Variants in CAMSAP2 observed in about 807,000 individuals in gnomAD.
The protein encoded by CAMSAP2 is calmodulin regulated spectrin associated protein family member 2.
CAMSAP2 carries 26 observed loss-of-function variants against 146.1 expected under a neutral mutation model. The ratio of observed to expected loss-of-function variants is 0.18; its 90% CI spans 0.13 to 0.25. CAMSAP2 has a LOEUF of 0.25. CAMSAP2 is among the 10% of genes least tolerant of loss of function. The probability of loss-of-function intolerance (pLI) is 1.00; values close to 1 mark genes in which losing one functional copy is unlikely to be tolerated. For missense variants in CAMSAP2, 1,381 were observed against 1,759.3 expected (o/e 0.78, Z 3.85); for synonymous variants, 499 against 596.6 (o/e 0.84, Z 2.38).
At chr1:200,767,225 C>T (rs1373357339) in intron 2 of CAMSAP2, among the ~76,000 whole-genome samples, 1 of 151,994 alleles carries the variant, frequency 6.6e-6, no homozygotes, top group Admixed American at 6.6e-5. Context: ...ATATCAGCTA[C>T]TTGGCACATG....
intron 1 of CAMSAP2, among the ~76,000 whole-genome samples, chr1:200,753,822 C>T (rs1372275325): frequency 6.6e-6 from 1 of 152,190 alleles, no homozygotes; most frequent in Admixed American, 6.5e-5. Context: ...ACTACCACGA[C>T]CACCAGTTGT....
intron 3 of CAMSAP2, 84 bp downstream of exon 3, chr1:200,807,621 CT>C: frequency 1.0e-6 from 1 of 954,132 alleles, no homozygotes; most frequent in Non-Finnish European, 1.4e-6. Flanking sequence ...CTTCATTACT[CT>C]TTTTGTTTCA....
At position 200,739,945 on chromosome 1, in the gene CAMSAP2, G is replaced by A. The variant is rs147588155; in HGVS notation, c.118G>A (p.Val40Met). The change falls in exon 1 of 17, where the codon GTG becomes ATG. Residue 40 changes from valine to methionine, a missense_variant. By Grantham distance (21) the Val-to-Met change is conservative. This residue lies in a region of CAMSAP2 where 284 missense variants were observed against 406.9 expected (regional missense o/e 0.70). Coordinates refer to ENST00000358823, the MANE Select transcript of CAMSAP2 (RefSeq NM_203459.4). This position sits in a 1 kb window ranked among gnomAD's most constrained non-coding sequence, Gnocchi z 4.8. ...AKIACNLAWL[V>M]AKAFGTENVP... ...AATCGCCTGCAATCTGGCCTGGCTG[G>A]TGGCCAAAGCCTTTGGGACAGGTTA... 1.1e-5 allele frequency: 18 copies of A among 1,614,014 alleles called. No homozygotes were observed. Among genetic ancestry groups the A allele is most frequent in the Non-Finnish European group, 1.4e-5 (17 of 1,180,024 alleles).
chr1:200,768,509 G>T (rs896238022), intron 2 of CAMSAP2, among the ~76,000 whole-genome samples: 1 of 152,094 alleles, frequency 6.6e-6, no homozygotes, highest in African/African-American at 2.4e-5. Context: ...AGCCAGAGAG[G>T]GTATCATCAG....
At position 200,849,798 on chromosome 1, in the gene CAMSAP2, G is replaced by A; in HGVS notation, c.3029G>A (p.Ser1010Asn). Reference sequence around the variant, plus strand: ...CCTCGGTTAAGGAGGTTTTCACCAAGTCAAGTTCCTATTCAAACTAGGTCA... The same window carrying A: ...CCTCGGTTAAGGAGGTTTTCACCAAATCAAGTTCCTATTCAAACTAGGTCA... ...SLPRLRRFSP[S>N]QVPIQTRSFV... is the part of the protein sequence containing the mutation. The change falls in exon 11 of 17, where the codon AGT becomes AAT. Residue 1010 changes from serine to asparagine, a missense_variant. Ser to Asn is a conservative substitution (Grantham distance 46). Coordinates refer to ENST00000358823, the MANE Select transcript of CAMSAP2 (RefSeq NM_203459.4). This position sits in a 1 kb window ranked among gnomAD's most constrained non-coding sequence, Gnocchi z 6.3. 6.2e-7 allele frequency: 1 copy of A among 1,614,176 alleles called. No homozygotes were observed. Among genetic ancestry groups the A allele is most frequent in the Non-Finnish European group, 8.5e-7 (1 of 1,180,036 alleles).
intron 4 of CAMSAP2, chr1:200,828,494 T>C: frequency 7.4e-7 from 1 of 1,349,440 alleles, no homozygotes; most frequent in Non-Finnish European, 1.0e-6. Context: ...TTTACTATAA[T>C]TTGTTAATTG....
chr1:200,839,294 T>C (rs757920226), intron 6 of CAMSAP2, among the ~76,000 whole-genome samples: 1 of 152,064 alleles, frequency 6.6e-6, no homozygotes, highest in Non-Finnish European at 1.5e-5. Context: ...AAGACTGAAG[T>C]AGATTAGAGA....
intron 2 of CAMSAP2, among the ~76,000 whole-genome samples, chr1:200,806,591 T>C (rs1571775476): frequency 4.6e-5 from 7 of 152,282 alleles, no homozygotes; most frequent in African/African-American, 1.7e-4. Flanking sequence ...TACAATGTTG[T>C]AACATTGTTG....
In CAMSAP2 at chr1:200,832,723, A is replaced by G. The variant is rs1293692672; in HGVS notation, c.805A>G (p.Thr269Ala). Reference protein sequence around the residue: ...VRLEDICLKETMSLADSLYNL... With the variant: ...VRLEDICLKEAMSLADSLYNL... ...ATTTGAAGATATTTGTTTGAAAGAAACTATGTCTTTGGCTGATAGCCTGTA... is the reference window on the plus strand; with the variant it reads ...ATTTGAAGATATTTGTTTGAAAGAAGCTATGTCTTTGGCTGATAGCCTGTA... Residue 269 changes from threonine to alanine, a missense_variant, in exon 6 of 17, where the codon ACT becomes GCT. Physicochemically the swap from Thr to Ala is moderately conservative, Grantham distance 58 (BLOSUM62 0). Transcript: ENST00000358823. The surrounding 1 kb of genome is among the most constrained non-coding windows in gnomAD (Gnocchi z 4.2). The G allele has an allele frequency of 6.2e-7, 1 of 1,600,854 alleles. No individual in the cohort carries two copies. Among genetic ancestry groups the G allele is most frequent in the Non-Finnish European group, 8.5e-7 (1 of 1,175,722 alleles).
chr1:200,753,315 A>G (rs1287607122), intron 1 of CAMSAP2, among the ~76,000 whole-genome samples: 1 of 151,486 alleles, frequency 6.6e-6, no homozygotes, highest in Non-Finnish European at 1.5e-5. Flanking sequence ...AAAAAAAAAA[A>G]AAGATAGAGC....
chr1:200,857,708 G>C lies in CAMSAP2; in HGVS notation c.4132-46G>C. 7.0e-7 allele frequency: 1 copy of C among 1,426,892 alleles called. No homozygotes were observed. The highest frequency in any genetic ancestry group is 9.5e-7 in the Non-Finnish European group (1 of 1,053,808). The allele number at this position is 1,426,892 out of a possible 1,614,324, so 88.4% of individuals were successfully genotyped here. On this transcript the variant is annotated intron_variant, in intron 16 of 16. Transcript: ENST00000358823. The surrounding 1 kb of genome is among the most constrained non-coding windows in gnomAD (Gnocchi z 4.7). ...ATAAACTTTATTCAGCAAAATAAAG[G>C]GTTTTTATTCGTGTTGTTATGTTGT...
intron 1 of CAMSAP2, among the ~76,000 whole-genome samples, chr1:200,747,274 A>C (rs1238724789): frequency 6.6e-6 from 1 of 152,218 alleles, no homozygotes. Flanking sequence ...GGAGCTAGGC[A>C]TAGGGTAATT....
chr1:200,842,772 T>G (rs1667356919), intron 7 of CAMSAP2, among the ~76,000 whole-genome samples: 1 of 152,022 alleles, frequency 6.6e-6, no homozygotes, highest in South Asian at 2.1e-4. Flanking sequence ...GGTCAGGAGT[T>G]TGAAACCAGG....
In CAMSAP2 at chr1:200,832,232, G is replaced by A; in HGVS notation, c.678G>A (p.Lys226=). ...ARYRKEQTLL[K]QLPCIPLVEN... ...ATCGGAAAGAGCAAACATTGCTTAA[G>A]CAACTGCCTTGCATTCCATTGGTAG... is the stretch of plus-strand genomic sequence containing the variant. The change falls in exon 5 of 17, where the codon AAG becomes AAA. Residue 226 remains lysine, a synonymous_variant. Transcript: ENST00000358823. The surrounding 1 kb of genome is among the most constrained non-coding windows in gnomAD (Gnocchi z 4.2). The A allele has an allele frequency of 6.2e-7, 1 of 1,612,774 alleles. No homozygotes were observed. The highest frequency in any genetic ancestry group is 2.2e-5 in the East Asian group (1 of 44,834).
At chr1:200,835,362 T>TA (rs2102223578) in intron 6 of CAMSAP2, among the ~76,000 whole-genome samples, 1 of 152,332 alleles carries the variant, frequency 6.6e-6, no homozygotes, top group East Asian at 1.9e-4. Flanking sequence ...GGACCCACAC[T>TA]AATGTTTGAA....
At chr1:200,761,141 G>C (rs757501178) in intron 2 of CAMSAP2, 43 bp downstream of exon 2, 1 of 1,552,274 alleles carries the variant, frequency 6.4e-7, no homozygotes, top group Non-Finnish European at 8.9e-7. Flanking sequence ...TTTGAAGTGT[G>C]TACTTTTGAG....
rs576012346 is a variant in CAMSAP2 at position 200,758,060 on chromosome 1, T to C, written c.140-2779T>C. Among the ~76,000 whole-genome samples, 85 of 152,348 alleles carry C rather than the reference T, an allele frequency of 5.6e-4. 1 individual carries two copies. Among genetic ancestry groups the C allele is most frequent in the Non-Finnish European group, 3.5e-4 (24 of 68,028 alleles). On this transcript the variant is annotated intron_variant, in intron 1 of 16. Transcript: ENST00000358823. ...GGGCAAGATGTCCTTTCTTGAGTTC[T>C]TTATCTGTAAAATAAGGTAAGAGGG...
chr1:200,838,724 C>T (rs1212691581), intron 6 of CAMSAP2, among the ~76,000 whole-genome samples: 1 of 152,086 alleles, frequency 6.6e-6, no homozygotes, highest in East Asian at 1.9e-4. Flanking sequence ...ACCTCAAGAG[C>T]AATGGAAAGA....
intron 4 of CAMSAP2, among the ~76,000 whole-genome samples, chr1:200,816,189 G>A (rs1666478100): frequency 6.6e-6 from 1 of 152,054 alleles, no homozygotes; most frequent in South Asian, 2.1e-4. Context: ...AGCCACTCAG[G>A]AGGCAGGAGA....
Sources: allele counts gnomAD v4.1 joint callset (sites outside exome capture counted in the v4.1 genomes callset), GRCh38; gene constraint gnomAD v4.1.1; regional missense constraint gnomAD v4.1.1; non-coding constraint Gnocchi (gnomAD v3.1); transcripts MANE v1.5; gene names NCBI Gene and HGNC (gene_info 2026-07-23, HGNC 2026-07-21).